CSMD1: variants seen among roughly 807,000 people sequenced by gnomAD.
The protein encoded by CSMD1 is CUB and sushi domain-containing protein 1.
A neutral mutation model predicts 417.5 loss-of-function variants in CSMD1; 213 were observed. The observed-to-expected ratio is 0.51, with a 90% confidence interval of 0.46 to 0.57. The LOEUF is 0.57. CSMD1 is among the 20% of genes least tolerant of loss of function. CSMD1 has a pLI of 0.00. For missense variants in CSMD1, 6,923 were observed against 4,529.7 expected (o/e 1.53, Z -15.17); for synonymous variants, 2,862 against 1,736.8 (o/e 1.65, Z -16.11).
chr8:4,256,522 T>C (rs576061564), intron 3 of CSMD1, among the ~76,000 whole-genome samples: 2 of 152,308 alleles, frequency 1.3e-5, no homozygotes, highest in African/African-American at 4.8e-5. Context: ...TAAACAGTTA[T>C]AAACATGGCA....
intron 6 of CSMD1, among the ~76,000 whole-genome samples, chr8:3,720,241 T>G (rs1199925835): frequency 6.6e-6 from 1 of 152,142 alleles, no homozygotes; most frequent in Non-Finnish European, 1.5e-5. Flanking sequence ...TCATCTTCAC[T>G]TCCAATGGAG....
At chr8:3,104,771 G>T (rs888186563) in intron 46 of CSMD1, among the ~76,000 whole-genome samples, 1 of 147,684 alleles carries the variant, frequency 6.8e-6, no homozygotes, top group Non-Finnish European at 1.5e-5. Flanking sequence ...GCAATGGCAA[G>T]ATCTCGGCTC....
At chr8:3,687,827 C>A (rs986252815) in intron 7 of CSMD1, among the ~76,000 whole-genome samples, 2 of 152,198 alleles carry the variant, frequency 1.3e-5, no homozygotes, top group African/African-American at 4.8e-5. Flanking sequence ...AAAGGTAGCA[C>A]TGCTCTCTCA....
intron 1 of CSMD1, among the ~76,000 whole-genome samples, chr8:4,771,977 C>G (rs1292832353): frequency 3.9e-5 from 6 of 152,192 alleles, no homozygotes; most frequent in African/African-American, 9.6e-5. Flanking sequence ...CACAAACATT[C>G]TGGCTTCAAA....
At chr8:3,552,122 G>A (rs567671272) in intron 10 of CSMD1, among the ~76,000 whole-genome samples, 30 of 152,298 alleles carry the variant, frequency 2.0e-4, no homozygotes, top group African/African-American at 7.2e-4. Flanking sequence ...TCCTTTACAT[G>A]GAGGCACTTT....
At chr8:4,898,991 TA>T (rs538566730) in intron 1 of CSMD1, among the ~76,000 whole-genome samples, 24 of 152,252 alleles carry the variant, frequency 1.6e-4, no homozygotes, top group African/African-American at 5.5e-4. Flanking sequence ...GATATCTACT[TA>T]AAAATAGAAA....
rs898510773 is a variant in CSMD1 at position 3,073,873 on chromosome 8, T to G, written c.7474+13224A>C. Among the ~76,000 whole-genome samples, 250 of 152,294 alleles carry G rather than the reference T, an allele frequency of 1.6e-3. 3 individuals carry two copies. Among genetic ancestry groups the G allele is most frequent in the Non-Finnish European group, 3.4e-4 (23 of 68,030 alleles). ...CAATGAGTGATTTTTTTTGTTTCAT[T>G]TTGACTGTTAGATGTGCAAGAATTA... On this transcript the variant is annotated intron_variant, in intron 49 of 69. Transcript: ENST00000635120.
At chr8:4,508,901 A>T (rs1477145231) in intron 2 of CSMD1, among the ~76,000 whole-genome samples, 1 of 152,186 alleles carries the variant, frequency 6.6e-6, no homozygotes, top group Middle Eastern at 3.4e-3. Context: ...GAAAATGCCT[A>T]AATAGGATGG....
At chr8:3,779,453 A>C in intron 5 of CSMD1, among the ~76,000 whole-genome samples, 2 of 152,276 alleles carry the variant, frequency 1.3e-5, no homozygotes, top group Middle Eastern at 6.8e-3. Context: ...GTCATTTTAA[A>C]ATTTTAGACA....
chr8:3,183,622 A>G (rs1463299575), intron 36 of CSMD1, among the ~76,000 whole-genome samples: 18 of 148,024 alleles, frequency 1.2e-4, no homozygotes, highest in Middle Eastern at 3.8e-3. Flanking sequence ...ATGTTTCTTA[A>G]CGATACCATC....
chr8:4,299,756 G>A (rs747285688), intron 3 of CSMD1, among the ~76,000 whole-genome samples: 3 of 151,818 alleles, frequency 2.0e-5, no homozygotes, highest in East Asian at 1.9e-4. Context: ...TCAGCCTCCC[G>A]AGTAGCTGAG....
intron 1 of CSMD1, among the ~76,000 whole-genome samples, chr8:4,964,081 GTTTAT>G (rs1326240992): frequency 4.0e-5 from 6 of 151,660 alleles, no homozygotes; most frequent in Admixed American, 2.6e-4. Flanking sequence ...GGCTTTCTGG[GTTTAT>G]TTTATTTTTT....
In CSMD1 at chr8:3,954,360, T is replaced by C. The variant is rs560584733; in HGVS notation, c.818+43543A>G. Among the ~76,000 whole-genome samples the C allele has an allele frequency of 5.7e-4, 86 of 151,064 alleles. 1 individual carries two copies. The highest frequency in any genetic ancestry group is 2.1e-3 in the African/African-American group (86 of 40,416). On this transcript the variant is annotated intron_variant, in intron 5 of 69. Transcript: ENST00000635120. ...GTCAAGAGCCATTTAACTGGGATCC[T>C]AGGACTTTTTTTTCTTTTTTGAGAC...
chr8:3,898,123 G>A (rs1807491046), intron 5 of CSMD1, among the ~76,000 whole-genome samples: 1 of 152,138 alleles, frequency 6.6e-6, no homozygotes. Flanking sequence ...CCATATAGCA[G>A]AGTTTCTACC....
At chr8:3,649,972 G>A (rs1015033420) in intron 7 of CSMD1, among the ~76,000 whole-genome samples, 1 of 152,070 alleles carries the variant, frequency 6.6e-6, no homozygotes, top group African/African-American at 2.4e-5. Flanking sequence ...TAAATGCTAG[G>A]AGAGGTTAAA....
chr8:3,792,481 T>A lies in CSMD1; in HGVS notation c.819-38439A>T, dbSNP rs568934149. 5.3e-5 allele frequency among the ~76,000 whole-genome samples: 8 copies of A among 152,304 alleles called. No homozygotes were observed. In the East Asian group the frequency reaches 1.5e-3, roughly 29 times the overall value. ...CGGAGAGCTTACTTTTTGCCTTAAATGCCAAAGCGTTTTTGCAACTCGCTG... is the reference window on the plus strand; with the variant it reads ...CGGAGAGCTTACTTTTTGCCTTAAAAGCCAAAGCGTTTTTGCAACTCGCTG... On this transcript the variant is annotated intron_variant, in intron 5 of 69. Transcript: ENST00000635120.
At chr8:3,036,447 T>C (rs1460876445) in intron 50 of CSMD1, among the ~76,000 whole-genome samples, 2 of 152,218 alleles carry the variant, frequency 1.3e-5, no homozygotes, top group African/African-American at 2.4e-5. Flanking sequence ...GTGCTTCTTA[T>C]AACCAACTTT....
intron 18 of CSMD1, among the ~76,000 whole-genome samples, chr8:3,373,883 A>T (rs1810136935): frequency 6.6e-6 from 1 of 152,148 alleles, no homozygotes; most frequent in Non-Finnish European, 1.5e-5. Context: ...TGCAGAAATC[A>T]TTGAAGAACA....
At chr8:4,440,242 C>T (rs1266804759) in intron 2 of CSMD1, among the ~76,000 whole-genome samples, 1 of 152,066 alleles carries the variant, frequency 6.6e-6, no homozygotes, top group Non-Finnish European at 1.5e-5. Context: ...GCATGTGCAC[C>T]TATACATATT....
Sources: gnomAD v4.1 joint callset for allele counts (sites outside exome capture counted in the v4.1 genomes callset) on GRCh38, gnomAD v4.1.1 for gene constraint, MANE v1.5 for transcripts, NCBI Gene and HGNC (gene_info 2026-07-23, HGNC 2026-07-21) for gene names.